Variants in CTNNA2 observed in about 807,000 individuals in gnomAD.
The protein encoded by CTNNA2 is catenin alpha-2.
A neutral mutation model predicts 101.0 loss-of-function variants in CTNNA2; 42 were observed. The ratio of observed to expected loss-of-function variants is 0.42; its 90% confidence interval spans 0.32 to 0.54. The LOEUF is 0.54. Ranked by LOEUF, CTNNA2 falls within the 20% of genes least tolerant of loss-of-function variation. The pLI is 0.14. For missense variants in CTNNA2, 871 were observed against 1,223.1 expected (o/e 0.71, Z 4.29); for synonymous variants, 450 against 456.4 (o/e 0.99, Z 0.18).
chr2:79,840,411 T>C (rs996329298), intron 3 of CTNNA2, among the ~76,000 whole-genome samples: 4 of 152,238 alleles, frequency 2.6e-5, no homozygotes, highest in Non-Finnish European at 2.9e-5. Flanking sequence ...CAGCTTGCAT[T>C]ATTTCAATCA....
At chr2:79,576,984 A>G (rs1240601244) in intron 1 of CTNNA2, among the ~76,000 whole-genome samples, 3 of 152,118 alleles carry the variant, frequency 2.0e-5, no homozygotes, top group South Asian at 2.1e-4. Flanking sequence ...CATGTTCTTC[A>G]TGGGGGTTTT....
intron 3 of CTNNA2, among the ~76,000 whole-genome samples, chr2:79,318,385 T>G (rs1275824246): frequency 6.6e-6 from 1 of 152,184 alleles, no homozygotes; most frequent in Non-Finnish European, 1.5e-5. Flanking sequence ...ACATTTTATA[T>G]TGAATATGCA....
intron 1 of CTNNA2, among the ~76,000 whole-genome samples, chr2:79,539,071 A>G (rs995702211): frequency 2.6e-5 from 4 of 152,230 alleles, no homozygotes; most frequent in African/African-American, 4.8e-5. Flanking sequence ...AATTGCACAG[A>G]TAATGGTTAA....
chr2:79,512,809 G>A (rs1671590929), upstream of CTNNA2, among the ~76,000 whole-genome samples: 1 of 151,024 alleles, frequency 6.6e-6, no homozygotes, highest in Non-Finnish European at 1.5e-5. Flanking sequence ...CAGGCCGCGC[G>A]CGCCCGCGGC....
intron 7 of CTNNA2, among the ~76,000 whole-genome samples, chr2:80,032,431 CTAA>C: frequency 6.6e-6 from 1 of 152,212 alleles, no homozygotes; most frequent in Middle Eastern, 3.4e-3. Flanking sequence ...ATTCATCATA[CTAA>C]TAATGTACAA....
chr2:80,234,909 A>C (rs1709463028), intron 7 of CTNNA2, among the ~76,000 whole-genome samples: 1 of 152,138 alleles, frequency 6.6e-6, no homozygotes, highest in Admixed American at 6.6e-5. Flanking sequence ...AGATCCATAA[A>C]CAATAACAAA....
chr2:80,050,374 G>A (rs963825482), intron 7 of CTNNA2, among the ~76,000 whole-genome samples: 5 of 152,138 alleles, frequency 3.3e-5, no homozygotes, highest in Admixed American at 6.5e-5. Flanking sequence ...CAACAGACTC[G>A]GGGTCTGTGG....
intron 1 of CTNNA2, among the ~76,000 whole-genome samples, chr2:79,630,698 G>C (rs975635307): frequency 6.6e-6 from 1 of 152,164 alleles, no homozygotes; most frequent in African/African-American, 2.4e-5. Context: ...AAGTCTTGCT[G>C]TAACGTGGTG....
rs77626795 is a variant in CTNNA2 at position 80,086,580 on chromosome 2, G to A, written c.1056+176783G>A. On this transcript the variant is annotated intron_variant, in intron 7 of 18. Transcript: ENST00000402739. ...TCTGACTTAGGAATCATGGAATTGGGCCTAGGCTTTATCATTTACTCACCT... is the reference window on the plus strand; with the variant it reads ...TCTGACTTAGGAATCATGGAATTGGACCTAGGCTTTATCATTTACTCACCT... Among the ~76,000 whole-genome samples, 37 of 152,080 alleles carry A rather than the reference G, an allele frequency of 2.4e-4. 1 individual carries two copies. The East Asian group carries it at 7.2e-3, about 29-fold the overall frequency.
At chr2:79,641,594 T>C (rs1680453115) in intron 1 of CTNNA2, among the ~76,000 whole-genome samples, 1 of 152,138 alleles carries the variant, frequency 6.6e-6, no homozygotes, top group Non-Finnish European at 1.5e-5. Context: ...ATTTAGACAA[T>C]TTGGGTCCCT....
At chr2:79,367,027 G>C (rs993823571) in intron 3 of CTNNA2, among the ~76,000 whole-genome samples, 1 of 152,138 alleles carries the variant, frequency 6.6e-6, no homozygotes, top group Non-Finnish European at 1.5e-5. Context: ...ATGGTATTTG[G>C]AGATGGAGCC....
At chr2:79,799,212 T>C (rs1057196480) in intron 3 of CTNNA2, among the ~76,000 whole-genome samples, 8 of 151,966 alleles carry the variant, frequency 5.3e-5, no homozygotes, top group Non-Finnish European at 8.8e-5. Flanking sequence ...GCCAGCCTCA[T>C]TCCCCCTCTT....
intron 7 of CTNNA2, among the ~76,000 whole-genome samples, chr2:79,956,843 GTTTTTTTTTTTT>G (rs66471325): frequency 1.0e-5 from 1 of 98,936 alleles, no homozygotes; most frequent in East Asian, 3.3e-4. Context: ...ATACGTGTGG[GTTTTTTTTTTTT>G]TTTTTTTTTT....
chr2:79,915,614 T>G (rs1167545492), intron 7 of CTNNA2, among the ~76,000 whole-genome samples: 2 of 152,196 alleles, frequency 1.3e-5, no homozygotes, highest in Non-Finnish European at 2.9e-5. Flanking sequence ...AAAGCGTGAC[T>G]AGGAACAAAA....
chr2:79,233,704 C>A (rs13014809), intron 2 of CTNNA2, among the ~76,000 whole-genome samples: 20 of 151,986 alleles, frequency 1.3e-4, no homozygotes, highest in African/African-American at 4.3e-4. Context: ...GTCAAGAAGA[C>A]CTTGTTTTAT....
chr2:80,271,447 A>T (rs1455853595), intron 7 of CTNNA2, among the ~76,000 whole-genome samples: 4 of 146,156 alleles, frequency 2.7e-5, no homozygotes, highest in Non-Finnish European at 4.5e-5. Context: ...TCTGAGATGG[A>T]GTCTCGCTCT....
chr2:79,209,627 G>A (rs1470108607), intron 2 of CTNNA2, among the ~76,000 whole-genome samples: 2 of 152,092 alleles, frequency 1.3e-5, no homozygotes, highest in African/African-American at 4.8e-5. Context: ...ACAATACTGG[G>A]ACCAGAAATA....
At chr2:79,445,847 G>T (rs1449382939) in intron 4 of CTNNA2, among the ~76,000 whole-genome samples, 1 of 152,034 alleles carries the variant, frequency 6.6e-6, no homozygotes, top group East Asian at 1.9e-4. Flanking sequence ...GGCAAATATA[G>T]GATATGTGTT....
At chr2:80,253,778 A>T (rs931287651) in intron 7 of CTNNA2, among the ~76,000 whole-genome samples, 1 of 152,166 alleles carries the variant, frequency 6.6e-6, no homozygotes, top group African/African-American at 2.4e-5. Context: ...ATAATCAAGA[A>T]TTATAGGATT....
Sources: allele counts gnomAD v4.1 joint callset (sites outside exome capture counted in the v4.1 genomes callset), GRCh38; gene constraint gnomAD v4.1.1; transcripts MANE v1.5; gene names NCBI Gene and HGNC (gene_info 2026-07-23, HGNC 2026-07-21).